Variants in SPATA33 observed in about 807,000 individuals in gnomAD.
The protein encoded by SPATA33 is spermatogenesis associated 33.
In SPATA33, 10 loss-of-function variants were observed where a neutral mutation model predicts 8.9. The observed-to-expected ratio is 1.12, with a 90% CI of 0.69 to 1.90. The LOEUF (loss-of-function observed/expected upper bound fraction) is 1.90. Among genes scored for constraint, SPATA33 ranks in the 40% most tolerant of loss-of-function variants. The pLI is 0.00. For missense variants in SPATA33, 241 were observed against 178.3 expected, an observed-to-expected ratio of 1.35 and a Z score of -2.00; for synonymous variants, 96 against 72.8, an observed-to-expected ratio of 1.32 and a Z score of -1.63.
At chr16:89,658,501 C>G (rs756224297) in intron 2 of SPATA33, 80 bp downstream of exon 2, 17 of 1,505,822 alleles carry the variant, frequency 1.1e-5, no homozygotes, top group Non-Finnish European at 1.5e-5. Context: ...TACTGTAAGA[C>G]CCTACCGGAT....
intron 1 of SPATA33, 100 bp from the exon 2 acceptor site, chr16:89,658,148 G>T (rs1420843987): frequency 6.4e-7 from 1 of 1,556,950 alleles, no homozygotes; most frequent in Admixed American, 1.9e-5. Flanking sequence ...GAGACTTGAA[G>T]CCAGCTTATT....
At chr16:89,660,713 G>A in intron 2 of SPATA33, 1 of 748,106 alleles carries the variant, frequency 1.3e-6, no homozygotes, top group South Asian at 7.1e-5. Flanking sequence ...GCAGATGAGT[G>A]GTTGCTGGGC....
intron 2 of SPATA33, among the ~76,000 whole-genome samples, chr16:89,662,796 GTTGT>G (rs897601428): frequency 6.6e-6 from 1 of 150,478 alleles, no homozygotes; most frequent in African/African-American, 2.4e-5. Context: ...GTGACGTTTT[GTTGT>G]TTGTTTGTTT....
intron 2 of SPATA33, 123 bp from the exon 3 acceptor site, chr16:89,669,163 C>G (rs530522481): frequency 1.2e-6 from 1 of 849,268 alleles, no homozygotes; most frequent in East Asian, 2.6e-5. Flanking sequence ...CTTTTGGACT[C>G]ACCCATTTTT....
intron 2 of SPATA33, among the ~76,000 whole-genome samples, chr16:89,668,367 C>A (rs781371208): frequency 6.6e-6 from 1 of 152,240 alleles, no homozygotes; most frequent in Non-Finnish European, 1.5e-5. Context: ...AGCAGTCCAT[C>A]CTACCTCGCA....
At chr16:89,667,830 C>G (rs1448372935) in intron 2 of SPATA33, among the ~76,000 whole-genome samples, 1 of 152,140 alleles carries the variant, frequency 6.6e-6, no homozygotes, top group Non-Finnish European at 1.5e-5. Context: ...CTCTGCCTCC[C>G]CCATCTGGTT....
At chr16:89,666,807 T>G (rs1567493075) in intron 2 of SPATA33, among the ~76,000 whole-genome samples, 2 of 152,158 alleles carry the variant, frequency 1.3e-5, no homozygotes, top group South Asian at 4.2e-4. Context: ...GGCCCTTCCC[T>G]GCCTGGCAGC....
At chr16:89,667,031 G>C (rs967576990) in intron 2 of SPATA33, among the ~76,000 whole-genome samples, 2 of 152,190 alleles carry the variant, frequency 1.3e-5, no homozygotes, top group African/African-American at 4.8e-5. Context: ...AAGCCTGACT[G>C]ATGTCAGGCC....
intron 2 of SPATA33, among the ~76,000 whole-genome samples, chr16:89,668,506 G>C (rs1476257282): frequency 6.6e-6 from 1 of 152,164 alleles, no homozygotes; most frequent in Non-Finnish European, 1.5e-5. Context: ...GAGAGAGCCA[G>C]CTCCATCCTG....
In SPATA33 at chr16:89,665,872, G is replaced by C. The variant is rs375114666; in HGVS notation, c.212-3414G>C. Among the ~76,000 whole-genome samples the C allele has an allele frequency of 2.8e-4, 42 of 152,170 alleles. No homozygotes were observed. In the East Asian group the frequency reaches 8.0e-3, roughly 29 times the overall value. On this transcript the variant is annotated intron_variant, in intron 2 of 2. Transcript: ENST00000579310. ...AGGCAGGTGGATCACTTGAGGTCAG[G>C]AGTTCAAGACCAGCCTGGCCAACAT...
intron 2 of SPATA33, among the ~76,000 whole-genome samples, chr16:89,667,305 C>T (rs908666371): frequency 2.6e-5 from 4 of 152,182 alleles, no homozygotes; most frequent in East Asian, 1.9e-4. Flanking sequence ...CAGCTCCTGT[C>T]TCTGTATGAC....
At chr16:89,664,128 G>A (rs1354910131) in intron 2 of SPATA33, among the ~76,000 whole-genome samples, 2 of 152,112 alleles carry the variant, frequency 1.3e-5, no homozygotes, top group South Asian at 2.1e-4. Context: ...ATGCTTCCTA[G>A]CAAGGAAAGA....
intron 2 of SPATA33, chr16:89,660,984 C>T (rs55836749): frequency 0.038 from 37,583 of 997,698 alleles, 804 homozygotes; most frequent in Non-Finnish European, 0.042. Context: ...CTTCCCTGTA[C>T]GTCTCAGTGA....
intron 2 of SPATA33, chr16:89,660,630 C>T: frequency 9.2e-7 from 1 of 1,083,910 alleles, no homozygotes; most frequent in Non-Finnish European, 1.2e-6. Flanking sequence ...GTGAGACAAG[C>T]CAGAGGAAAG....
rs749612903 is a variant in SPATA33, at chr16:89,658,432, G to C, written c.211+11G>C. 6.3e-7 allele frequency: 1 copy of C among 1,591,932 alleles called. No individual in the cohort carries two copies. Among genetic ancestry groups the C allele is most frequent in the Non-Finnish European group, 8.5e-7 (1 of 1,170,058 alleles). On this transcript the variant is annotated intron_variant, in intron 2 of 2. Coordinates refer to ENST00000579310, the MANE Select transcript of SPATA33 (RefSeq NM_001271907.2). ...CAGCTTCGCTGGAAGGTAGGAGACG[G>C]CGGGAGGGAGCGAAGCGAGGTCAGT...
chr16:89,660,983 A>G, intron 2 of SPATA33: 1 of 998,710 alleles, frequency 1.0e-6, no homozygotes, highest in Non-Finnish European at 1.2e-6. Context: ...GCTTCCCTGT[A>G]CGTCTCAGTG....
chr16:89,666,563 T>G (rs1597807256), intron 2 of SPATA33, among the ~76,000 whole-genome samples: 1 of 151,934 alleles, frequency 6.6e-6, no homozygotes, highest in Non-Finnish European at 1.5e-5. Flanking sequence ...GGTCGGTGGG[T>G]TTTCTCCCCA....
chr16:89,668,106 G>C (rs1020097317), intron 2 of SPATA33: 3 of 152,340 alleles, frequency 2.0e-5, no homozygotes, highest in Non-Finnish European at 4.4e-5. Flanking sequence ...GAGGTCGGGA[G>C]TTCAAGACCA....
chr16:89,661,346 T>C (rs1480748261), intron 2 of SPATA33: 1 of 377,832 alleles, frequency 2.6e-6, no homozygotes, highest in African/African-American at 2.2e-5. Context: ...TGTCACGAGA[T>C]CCGATGGTTT....
Sources: allele counts gnomAD v4.1 joint callset (sites outside exome capture counted in the v4.1 genomes callset), GRCh38; gene constraint gnomAD v4.1.1; transcripts MANE v1.5; gene names NCBI Gene and HGNC (gene_info 2026-07-23, HGNC 2026-07-21).